The following MYO7A variants were observed in gnomAD, a reference collection of about 807,000 sequenced individuals.
The protein encoded by MYO7A is myosin VIIA.
In MYO7A, 210 loss-of-function variants were observed where a neutral mutation model predicts 263.8. That is an observed-to-expected ratio of 0.80 (90% CI 0.71 to 0.89). MYO7A has a LOEUF of 0.89. Among genes scored for constraint, MYO7A ranks in the 40% least tolerant of loss-of-function variants. The pLI is 0.00. For missense variants in MYO7A, 2,820 were observed against 2,968.3 expected (o/e 0.95, Z 1.16); for synonymous variants, 1,239 against 1,197.3 (o/e 1.03, Z -0.72).
rs147362189 is a variant in MYO7A at position 77,145,736 on chromosome 11, C to T, written c.133-2062C>T. Among the ~76,000 whole-genome samples, 1,037 of 152,298 alleles carry T rather than the reference C, an allele frequency of 6.8e-3. 9 individuals are homozygous for T. Among genetic ancestry groups the T allele is most frequent in the African/African-American group, 0.024 (998 of 41,568 alleles). On this transcript the variant is annotated intron_variant, in intron 3 of 48. Coordinates refer to ENST00000409709, the MANE Select transcript of MYO7A (RefSeq NM_000260.4). Reference sequence around the variant, plus strand: ...GGAGGCTGCGTGAGAGCCTGCCCTGCGTTGAAGTGCTGCTGGCCCAGAAGT... The same window carrying T: ...GGAGGCTGCGTGAGAGCCTGCCCTGTGTTGAAGTGCTGCTGGCCCAGAAGT...
intron 30 of MYO7A, chr11:77,191,092 C>A (rs969709318): frequency 3.3e-5 from 15 of 455,080 alleles, no homozygotes; most frequent in African/African-American, 5.9e-5. Flanking sequence ...GAGGCTGAGG[C>A]GGGCAGATCA....
chr11:77,190,579 A>G (rs3831451), intron 29 of MYO7A, 118 bp from the exon 30 acceptor site: 612 of 1,043,558 alleles, frequency 5.9e-4, no homozygotes, highest in Non-Finnish European at 7.1e-4. Context: ...CCAGTGAGGT[A>G]CTGGGGCCTG....
At chr11:77,141,691 T>C (rs568394474) in intron 2 of MYO7A, among the ~76,000 whole-genome samples, 40 of 152,296 alleles carry the variant, frequency 2.6e-4, no homozygotes, top group African/African-American at 8.9e-4. Context: ...TTGCATGTGC[T>C]GTTTCCTATG....
At chr11:77,181,865 G>C in intron 23 of MYO7A, 86 bp from the exon 24 acceptor site, 1 of 1,223,068 alleles carries the variant, frequency 8.2e-7, no homozygotes, top group South Asian at 1.3e-5. Context: ...GCTCACTGCA[G>C]CCTTGAACTT....
intron 24 of MYO7A, 59 bp downstream of exon 24, chr11:77,182,213 T>TCTG (rs1955289376): frequency 2.5e-6 from 4 of 1,591,246 alleles, no homozygotes; most frequent in Non-Finnish European, 2.6e-6. Context: ...GGCTATGGAC[T>TCTG]CTGCTGCTGG....
At chr11:77,171,494 T>C (rs1431916367) in intron 15 of MYO7A, among the ~76,000 whole-genome samples, 6 of 152,182 alleles carry the variant, frequency 3.9e-5, no homozygotes, top group African/African-American at 1.4e-4. Context: ...TGGAAAGCAT[T>C]GCAGATTTCA....
rs1957648018 is a variant in MYO7A, at chr11:77,208,760, C to G, written c.6008C>G (p.Pro2003Arg). Reference protein sequence around the residue: ...FMKKLWTTTVPGKDPMADSIF... With the variant: ...FMKKLWTTTVRGKDPMADSIF... ...AAGAAGCTGTGGACCACCACGGTGC[C>G]AGGGAAGGATCCCATGGCCGATTCC... is the stretch of plus-strand genomic sequence containing the variant. Residue 2003 changes from proline to arginine, a missense_variant, in exon 44 of 49, where the codon CCA becomes CGA. Pro to Arg is a moderately radical substitution (Grantham distance 103). Transcript: ENST00000409709. 6.3e-7 allele frequency: 1 copy of G among 1,581,366 alleles called. No homozygotes were observed. The highest frequency in any genetic ancestry group is 8.6e-7 in the Non-Finnish European group (1 of 1,163,712).
intron 4 of MYO7A, 123 bp downstream of exon 4, chr11:77,148,073 G>C: frequency 4.3e-6 from 4 of 927,536 alleles, no homozygotes; most frequent in Non-Finnish European, 6.1e-6. Context: ...CTGAGACTTT[G>C]TCCGCTGTGC....
intron 24 of MYO7A, 86 bp from the exon 25 acceptor site, chr11:77,182,338 C>T: frequency 6.8e-7 from 1 of 1,481,154 alleles, no homozygotes; most frequent in Non-Finnish European, 9.1e-7. Context: ...GGGGTGTCTC[C>T]AGCCCACTCC....
At position 77,206,079 on chromosome 11, in the gene MYO7A, C is replaced by A; in HGVS notation, c.5637-18C>A. ...AGTCCCACGCACATGCCCCCTGCTG[C>A]CCCTGCTGCCTTTTCAGAAACGGGT... On this transcript the variant is annotated intron_variant, in intron 40 of 48. Transcript: ENST00000409709. 6.3e-7 allele frequency: 1 copy of A among 1,593,140 alleles called. No homozygotes were observed. Among genetic ancestry groups the A allele is most frequent in the Non-Finnish European group, 8.6e-7 (1 of 1,167,768 alleles).
chr11:77,182,831 G>T (rs1012942525), intron 25 of MYO7A, among the ~76,000 whole-genome samples: 4 of 152,250 alleles, frequency 2.6e-5, no homozygotes, highest in Non-Finnish European at 5.9e-5. Flanking sequence ...AGCAGACAGG[G>T]GCTTTGCAGT....
At chr11:77,146,579 C>A (rs1054595362) in intron 3 of MYO7A, among the ~76,000 whole-genome samples, 1 of 152,042 alleles carries the variant, frequency 6.6e-6, no homozygotes, top group East Asian at 1.9e-4. Context: ...GTGGGGGGAG[C>A]TGATGTCCAG....
chr11:77,181,643 T>A, intron 23 of MYO7A, 54 bp downstream of exon 23: 1 of 1,538,910 alleles, frequency 6.5e-7, no homozygotes, highest in Non-Finnish European at 8.9e-7. Context: ...CTTGTGTTGA[T>A]CCTCCCTCCT....
intron 31 of MYO7A, 62 bp downstream of exon 31, chr11:77,192,340 T>G (rs1956157004): frequency 7.9e-6 from 12 of 1,516,972 alleles, no homozygotes; most frequent in Middle Eastern, 3.4e-4. Context: ...TTTCCACGTT[T>G]GGGCTGAGTG....
chr11:77,155,385 G>A (rs1183414247), intron 4 of MYO7A, among the ~76,000 whole-genome samples: 3 of 152,156 alleles, frequency 2.0e-5, no homozygotes, highest in East Asian at 1.9e-4. Flanking sequence ...AGAGAGTGGG[G>A]CCCACCCAGC....
chr11:77,190,256 G>T, intron 29 of MYO7A, 117 bp downstream of exon 29: 1 of 1,118,734 alleles, frequency 8.9e-7, no homozygotes, highest in East Asian at 2.9e-5. Flanking sequence ...TTGAGATTCT[G>T]TGGTTCCTCA....
At chr11:77,186,785 G>T (rs990336017) in intron 27 of MYO7A, among the ~76,000 whole-genome samples, 1 of 152,188 alleles carries the variant, frequency 6.6e-6, no homozygotes, top group South Asian at 2.1e-4. Context: ...TAGCATTTTT[G>T]ATGTCCTTCA....
Position 77,207,083 on chromosome 11 carries a change from C to T in MYO7A, c.5743-206C>T, listed in dbSNP as rs1957489106. 1.2e-5 allele frequency: 6 copies of T among 483,156 alleles called. No individual in the cohort carries two copies. In the East Asian group the frequency reaches 1.3e-4, roughly 11 times the overall value. 29.9% of individuals were successfully genotyped at this position (483,156 alleles called of 1,614,324 possible). ...CTCTGGACGCCAAGGCCACCTTCTG[C>T]TTGGAGAGTCGGGAGGAGGAGACCT... On this transcript the variant is annotated intron_variant, in intron 41 of 48. Transcript: ENST00000409709.
chr11:77,174,780 C>T lies in MYO7A; in HGVS notation c.1960C>T (p.Arg654Cys), dbSNP rs201928014. Residue 654 changes from arginine to cysteine, a missense_variant, in exon 17 of 49, where the codon CGC (arginine) becomes TGC (cysteine). Transcript: ENST00000409709. ...PMLFDRHLCV[R>C]QLRYSGMMET... is the part of the protein sequence containing the mutation. The stretch of plus-strand genomic sequence containing the variant: ...GCTGTTCGACCGGCACCTGTGCGTG[C>T]GCCAGCTGCGGTACTCAGGAATGAT... The T allele has an allele frequency of 9.8e-5, 157 of 1,603,470 alleles. No homozygotes were observed. The highest frequency in any genetic ancestry group is 9.5e-5 in the Non-Finnish European group (112 of 1,175,512).
Sources: gnomAD v4.1 joint callset for allele counts (sites outside exome capture counted in the v4.1 genomes callset) on GRCh38, gnomAD v4.1.1 for gene constraint, MANE v1.5 for transcripts, NCBI Gene and HGNC (gene_info 2026-07-23, HGNC 2026-07-21) for gene names.